Variants in SAMD12 observed in about 807,000 individuals in gnomAD.
The protein encoded by SAMD12 is sterile alpha motif domain containing 12, also known as sterile alpha motif domain-containing protein 12.
In SAMD12, 9 loss-of-function variants were observed where a neutral mutation model predicts 15.0. That is an observed-to-expected ratio of 0.60 (90% CI 0.36 to 1.05). The LOEUF (loss-of-function observed/expected upper bound fraction) is 1.05, where lower values mean the gene tolerates loss of function less well. Ranked by LOEUF, SAMD12 falls within the 50% of genes least tolerant of loss-of-function variation. The probability of loss-of-function intolerance (pLI) is 0.01; values close to 1 mark genes in which losing one functional copy is unlikely to be tolerated. For synonymous variants in SAMD12, 86 were observed against 90.1 expected, an observed-to-expected ratio of 0.96 and a Z score of 0.25; for missense variants, 230 against 234.2, an observed-to-expected ratio of 0.98 and a Z score of 0.12.
chr8:118,538,154 G>A (rs1437151135), intron 2 of SAMD12, among the ~76,000 whole-genome samples: 2 of 150,464 alleles, frequency 1.3e-5, no homozygotes, highest in African/African-American at 5.0e-5. Context: ...AACAAATGGA[G>A]TTAGTCTCTG....
At chr8:118,288,415 A>C (rs1814171972) in intron 4 of SAMD12, 1 of 152,058 alleles carries the variant, frequency 6.6e-6, no homozygotes, top group Admixed American at 6.5e-5. Flanking sequence ...CAAAAATTCT[A>C]ATTTTGATTG....
At chr8:118,442,240 T>C (rs1020344196) in intron 2 of SAMD12, among the ~76,000 whole-genome samples, 2 of 152,218 alleles carry the variant, frequency 1.3e-5, no homozygotes, top group Admixed American at 6.5e-5. Flanking sequence ...GAGTGTCTTG[T>C]TTTCAGTAGA....
chr8:118,175,678 G>A, the SAMD12 span, among the ~76,000 whole-genome samples: 1 of 152,068 alleles, frequency 6.6e-6, no homozygotes, highest in African/African-American at 2.4e-5. Flanking sequence ...AATGGGCAAA[G>A]GACATGAAAA....
downstream of SAMD12, among the ~76,000 whole-genome samples, chr8:118,377,045 G>T (rs979558791): frequency 4.0e-5 from 6 of 150,730 alleles, no homozygotes; most frequent in African/African-American, 1.5e-4. Context: ...TTTTAAAAAA[G>T]AAACTATTAC....
chr8:118,279,541 A>C (rs1813558149), intron 4 of SAMD12, among the ~76,000 whole-genome samples: 1 of 152,192 alleles, frequency 6.6e-6, no homozygotes, highest in African/African-American at 2.4e-5. Flanking sequence ...GTATCTTTTA[A>C]AACTTTATTT....
intron 2 of SAMD12, among the ~76,000 whole-genome samples, chr8:118,486,858 TGA>T (rs1824304168): frequency 6.6e-6 from 1 of 152,190 alleles, no homozygotes; most frequent in Non-Finnish European, 1.5e-5. Flanking sequence ...AGCAAGGCTC[TGA>T]GAGAGGCGTG....
intron 4 of SAMD12, among the ~76,000 whole-genome samples, chr8:118,252,193 C>T (rs2450325): frequency 0.29 from 44,119 of 152,100 alleles, 10,838 homozygotes; most frequent in African/African-American, 0.65. Context: ...CTTCCTTATG[C>T]TCATTTAGAG....
chr8:118,259,126 C>T (rs112844552), intron 4 of SAMD12, among the ~76,000 whole-genome samples: 1 of 152,066 alleles, frequency 6.6e-6, no homozygotes, highest in Non-Finnish European at 1.5e-5. Flanking sequence ...GACACAGGAC[C>T]TACAGAAGCA....
chr8:118,440,062 C>T, intron 2 of SAMD12, 101 bp from the exon 3 acceptor site: 1 of 1,160,552 alleles, frequency 8.6e-7, no homozygotes, highest in Non-Finnish European at 1.2e-6. Flanking sequence ...GACTGGATTC[C>T]CTGAAGATAA....
chr8:118,286,739 A>C (rs1329810737), intron 4 of SAMD12, among the ~76,000 whole-genome samples: 3 of 152,248 alleles, frequency 2.0e-5, no homozygotes. Flanking sequence ...CCTATGTGCT[A>C]GTAGGACAAG....
At chr8:118,218,963 C>T (rs1481343461) in intron 4 of SAMD12, among the ~76,000 whole-genome samples, 1 of 152,128 alleles carries the variant, frequency 6.6e-6, no homozygotes, top group East Asian at 1.9e-4. Context: ...TTATAGTTCT[C>T]TGAAAAATTG....
At chr8:118,530,893 G>C (rs1211455148) in intron 2 of SAMD12, among the ~76,000 whole-genome samples, 1 of 152,178 alleles carries the variant, frequency 6.6e-6, no homozygotes, top group Admixed American at 6.5e-5. Context: ...CCAGGCTGGA[G>C]TGCAGTGATG....
chr8:118,180,821 A>G, the SAMD12 span, among the ~76,000 whole-genome samples: 1 of 150,732 alleles, frequency 6.6e-6, no homozygotes, highest in Non-Finnish European at 1.5e-5. Context: ...TTGACCTCCC[A>G]AGGTACTGGG....
chr8:118,333,290 G>A (rs1048769468), intron 4 of SAMD12, among the ~76,000 whole-genome samples: 40 of 152,244 alleles, frequency 2.6e-4, no homozygotes, highest in Non-Finnish European at 4.9e-4. Context: ...TAAGTTGACA[G>A]GGGCTCAGTG....
chr8:118,168,254 T>C, the SAMD12 span, among the ~76,000 whole-genome samples: 2,455 of 152,214 alleles, frequency 0.016, 64 homozygotes, highest in African/African-American at 0.056. Flanking sequence ...GTTTGTTGGG[T>C]TTGGCCAAAG....
intron 4 of SAMD12, among the ~76,000 whole-genome samples, chr8:118,234,576 T>C (rs1812385373): frequency 6.6e-6 from 1 of 151,950 alleles, no homozygotes; most frequent in African/African-American, 2.4e-5. Flanking sequence ...CCAGGCATGG[T>C]GGCAGGTGGC....
intron 4 of SAMD12, among the ~76,000 whole-genome samples, chr8:118,207,070 G>T (rs1047918942): frequency 1.3e-5 from 2 of 152,202 alleles, no homozygotes; most frequent in African/African-American, 4.8e-5. Context: ...CCAGGATATT[G>T]TTCTCTAATG....
At chr8:118,312,514 C>T (rs1206717772) in intron 4 of SAMD12, among the ~76,000 whole-genome samples, 1 of 152,140 alleles carries the variant, frequency 6.6e-6, no homozygotes, top group East Asian at 1.9e-4. Context: ...CTCTTATAGT[C>T]TTTACAACAT....
At chr8:118,548,917 C>G (rs1413240895) in intron 2 of SAMD12, among the ~76,000 whole-genome samples, 4 of 152,202 alleles carry the variant, frequency 2.6e-5, no homozygotes, top group Admixed American at 1.3e-4. Context: ...ACGGAGTCTC[C>G]CTGATTGCTA....
Sources: allele counts gnomAD v4.1 joint callset (sites outside exome capture counted in the v4.1 genomes callset), GRCh38; gene constraint gnomAD v4.1.1; transcripts MANE v1.5; gene names NCBI Gene and HGNC (gene_info 2026-07-23, HGNC 2026-07-21).